Variants in ATXN7 observed in about 807,000 individuals in gnomAD.
ATXN7 encodes the protein ataxin 7, also known as ataxin-7.
Under a neutral mutation model 70.5 loss-of-function variants are expected in ATXN7, and 12 were observed. That is an observed-to-expected ratio of 0.17 (90% CI 0.11 to 0.28). The LOEUF (loss-of-function observed/expected upper bound fraction) is 0.28. ATXN7 is among the 10% of genes least tolerant of loss of function. ATXN7 has a pLI of 1.00. For synonymous variants in ATXN7, 498 were observed against 448.7 expected, an observed-to-expected ratio of 1.11 and a Z score of -1.39; for missense variants, 1,256 against 1,131.7, an observed-to-expected ratio of 1.11 and a Z score of -1.58.
At chr3:63,980,272 T>G (rs66979216) in intron 6 of ATXN7, 105 bp downstream of exon 6, 50,088 of 1,431,240 alleles carry the variant, frequency 0.035, 1,018 homozygotes, top group African/African-American at 0.068. Flanking sequence ...GAGAGTCTAC[T>G]TGGGGAAGAA....
intron 6 of ATXN7, among the ~76,000 whole-genome samples, chr3:63,981,151 T>G (rs72876980): frequency 4.6e-5 from 7 of 152,150 alleles, no homozygotes. Flanking sequence ...TGCTGCTGCA[T>G]AAGGACCTTG....
At chr3:63,931,249 G>T (rs1704945722) in intron 4 of ATXN7, among the ~76,000 whole-genome samples, 2 of 152,074 alleles carry the variant, frequency 1.3e-5, no homozygotes, top group Non-Finnish European at 2.9e-5. Context: ...TACAGCAGAA[G>T]TTTGCTGATT....
Position 63,996,437 on chromosome 3 carries a change from C to T in ATXN7, c.2615C>T (p.Thr872Ile), listed in dbSNP as rs760024411. 2.5e-6 allele frequency: 4 copies of T among 1,614,012 alleles called. No homozygotes were observed. The highest frequency in any genetic ancestry group is 1.1e-5 in the South Asian group (1 of 91,088). Residue 872 changes from threonine (T) to isoleucine (I), a missense_variant, in exon 12 of 13, where the codon ACC becomes ATC. Physicochemically the swap from Thr to Ile is moderately conservative, Grantham distance 89. Coordinates refer to ENST00000674280, the MANE Select transcript of ATXN7 (RefSeq NM_001377405.1). ...VNNVHMKHTGTIPGAQGLMNS... is the reference protein window; with the variant it reads ...VNNVHMKHTGIIPGAQGLMNS... ...AATGTCCACATGAAACACACAGGCA[C>T]CATCCCAGGGGCACAAGGACTGATG...
chr3:63,991,443 A>C (rs761575029), intron 11 of ATXN7, among the ~76,000 whole-genome samples: 4 of 152,092 alleles, frequency 2.6e-5, no homozygotes, highest in Admixed American at 6.5e-5. Flanking sequence ...AGAGGGATTC[A>C]GGGAAAGCCT....
chr3:63,929,463 G>A (rs1704852482), intron 4 of ATXN7, among the ~76,000 whole-genome samples: 1 of 152,010 alleles, frequency 6.6e-6, no homozygotes, highest in African/African-American at 2.4e-5. Context: ...AGTAGAGACC[G>A]GGTTTCACCA....
At chr3:63,982,034 TACTAACAAA>T (rs778887002) in intron 6 of ATXN7, 143 bp from the exon 7 acceptor site, 1 of 1,021,348 alleles carries the variant, frequency 9.8e-7, no homozygotes, top group Non-Finnish European at 1.4e-6. Flanking sequence ...GTATGAACCT[TACTAACAAA>T]ACTCATAAGG....
At chr3:63,931,702 C>G (rs1005264779) in intron 4 of ATXN7, among the ~76,000 whole-genome samples, 1 of 152,058 alleles carries the variant, frequency 6.6e-6, no homozygotes, top group Non-Finnish European at 1.5e-5. Flanking sequence ...TTGTCTCCAC[C>G]CATACCCTCT....
intron 4 of ATXN7, among the ~76,000 whole-genome samples, chr3:63,940,163 C>T (rs2074730737): frequency 6.6e-6 from 1 of 151,962 alleles, no homozygotes; most frequent in African/African-American, 2.4e-5. Flanking sequence ...TGCGCATGCC[C>T]AGAAAGGACC....
intron 1 of ATXN7, among the ~76,000 whole-genome samples, chr3:63,893,980 T>G (rs1435700828): frequency 6.6e-6 from 1 of 152,232 alleles, no homozygotes; most frequent in Non-Finnish European, 1.5e-5. Context: ...AGAATATGAC[T>G]GCAGTTTATA....
chr3:63,999,755 G>A lies in ATXN7; in HGVS notation c.*288G>A. On this transcript the variant is annotated 3_prime_UTR_variant, in exon 13 of 13. Coordinates refer to ENST00000674280, the MANE Select transcript of ATXN7 (RefSeq NM_001377405.1). ...TGCTACCAATCTGTGAGAAGTTTTTGTTTTTGTTTTGTTTTTTAACTTGCA... is the reference window on the plus strand; with the variant it reads ...TGCTACCAATCTGTGAGAAGTTTTTATTTTTGTTTTGTTTTTTAACTTGCA... The A allele has an allele frequency of 1.8e-6, 1 of 565,074 alleles. No homozygotes were observed. Among genetic ancestry groups the A allele is most frequent in the Non-Finnish European group, 3.1e-6 (1 of 318,020 alleles). The allele number at this position is 565,074 out of a possible 1,614,324, so 35.0% of individuals were successfully genotyped here. A position where few individuals can be genotyped will look rare whatever the true frequency, so the allele number is the denominator to read the frequency against.
chr3:63,958,753 T>C (rs1485187518), intron 5 of ATXN7, among the ~76,000 whole-genome samples: 1 of 152,260 alleles, frequency 6.6e-6, no homozygotes, highest in African/African-American at 2.4e-5. Context: ...AATTTTTGCA[T>C]GTATTATCTT....
intron 2 of ATXN7, among the ~76,000 whole-genome samples, chr3:63,902,878 T>C (rs1386891127): frequency 1.3e-5 from 2 of 152,140 alleles, no homozygotes; most frequent in Non-Finnish European, 2.9e-5. Flanking sequence ...TAATCATCTT[T>C]TAAAATAATC....
intron 12 of ATXN7, chr3:63,997,643 G>A (rs746590603): frequency 1.2e-5 from 19 of 1,552,012 alleles, no homozygotes; most frequent in Middle Eastern, 1.7e-4. Context: ...CCTTGCTTAC[G>A]AACAGGAATT....
At chr3:63,936,226 C>G (rs1056777664) in intron 4 of ATXN7, among the ~76,000 whole-genome samples, 1 of 152,136 alleles carries the variant, frequency 6.6e-6, no homozygotes, top group African/African-American at 2.4e-5. Flanking sequence ...TCACATTGTC[C>G]TGTGATTCCG....
chr3:63,998,382 G>A (rs1412253255), intron 12 of ATXN7: 66 of 984,334 alleles, frequency 6.7e-5, no homozygotes, highest in East Asian at 1.1e-4. Context: ...ATACACACAC[G>A]TATACACACA....
intron 1 of ATXN7, among the ~76,000 whole-genome samples, 181 bp downstream of exon 1, chr3:63,864,339 G>A (rs1702335620): frequency 6.6e-6 from 1 of 151,986 alleles, no homozygotes; most frequent in Non-Finnish European, 1.5e-5. Context: ...GGGGACGCCC[G>A]GATCCGGCTG....
chr3:63,899,644 T>G (rs183600584), intron 2 of ATXN7, among the ~76,000 whole-genome samples: 2 of 151,806 alleles, frequency 1.3e-5, no homozygotes, highest in Non-Finnish European at 2.9e-5. Flanking sequence ...GACCTTTTCT[T>G]GCTCTGTCGC....
At chr3:63,994,093 C>G (rs1210551444) in intron 11 of ATXN7, among the ~76,000 whole-genome samples, 2 of 152,158 alleles carry the variant, frequency 1.3e-5, no homozygotes, top group African/African-American at 4.8e-5. Context: ...TGTCTGTCCC[C>G]ACTCCCCGCA....
At chr3:63,889,682 A>G (rs938621443) in intron 1 of ATXN7, among the ~76,000 whole-genome samples, 5 of 152,248 alleles carry the variant, frequency 3.3e-5, no homozygotes, top group Admixed American at 2.6e-4. Context: ...GGTCAAACCT[A>G]TAGCACTGAG....
Sources: allele counts gnomAD v4.1 joint callset (sites outside exome capture counted in the v4.1 genomes callset), GRCh38; gene constraint gnomAD v4.1.1; transcripts MANE v1.5; gene names NCBI Gene and HGNC (gene_info 2026-07-23, HGNC 2026-07-21).